TECRL: variants seen among roughly 807,000 people sequenced by gnomAD.
TECRL encodes trans-2,3-enoyl-CoA reductase-like.
Under a neutral mutation model 52.8 loss-of-function variants are expected in TECRL, and 63 were observed. That is an observed-to-expected ratio of 1.19 (90% CI 0.97 to 1.47). The LOEUF (loss-of-function observed/expected upper bound fraction) is 1.47. TECRL is among the 40% of genes most tolerant of loss of function. TECRL has a pLI of 0.00. For synonymous variants in TECRL, 164 were observed against 141.9 expected, an observed-to-expected ratio of 1.16 and a Z score of -1.10; for missense variants, 482 against 429.6, an observed-to-expected ratio of 1.12 and a Z score of -1.08.
In TECRL at chr4:64,282,959, C is replaced by G. The variant is rs80039398; in HGVS notation, c.833-1400G>C. Among the ~76,000 whole-genome samples the G allele has an allele frequency of 6.4e-3, 968 of 152,012 alleles. 8 individuals carry two copies. The highest frequency in any genetic ancestry group is 0.022 in the African/African-American group (917 of 41,510). ...TTTTTTACATTAAAATGCTGCCCCA[C>G]CAGATTCTTCTTTAGGCATATAAGG... On this transcript the variant is annotated intron_variant, in intron 9 of 11. Transcript: ENST00000381210.
intron 2 of TECRL, among the ~76,000 whole-genome samples, chr4:64,373,996 C>T (rs1272342843): frequency 4.5e-5 from 2 of 44,678 alleles, no homozygotes; most frequent in South Asian, 1.2e-3. Context: ...TATATATCTA[C>T]TATACTATAG....
At chr4:64,346,356 C>T (rs770078528) in intron 2 of TECRL, among the ~76,000 whole-genome samples, 20 of 152,344 alleles carry the variant, frequency 1.3e-4, no homozygotes, top group Admixed American at 2.6e-4. Context: ...TTCCCCTCTG[C>T]ACTATTCTAG....
At chr4:64,382,168 G>A (rs1722840036) in intron 1 of TECRL, among the ~76,000 whole-genome samples, 1 of 142,362 alleles carries the variant, frequency 7.0e-6, no homozygotes, top group Admixed American at 7.2e-5. Context: ...TTAGTAGGTT[G>A]TGTACGTCCA....
At chr4:64,298,552 A>G (rs376007650) in intron 8 of TECRL, among the ~76,000 whole-genome samples, 1 of 151,206 alleles carries the variant, frequency 6.6e-6, no homozygotes, top group Non-Finnish European at 1.5e-5. Context: ...GACTTATTAA[A>G]AGTTTTATTT....
At chr4:64,354,849 A>G (rs1720651612) in intron 2 of TECRL, among the ~76,000 whole-genome samples, 1 of 152,246 alleles carries the variant, frequency 6.6e-6, no homozygotes, top group African/African-American at 2.4e-5. Flanking sequence ...TTAGAATGAT[A>G]GATGATCAAC....
chr4:64,288,984 G>A (rs1036025885), intron 9 of TECRL, among the ~76,000 whole-genome samples: 1 of 152,124 alleles, frequency 6.6e-6, no homozygotes, highest in Non-Finnish European at 1.5e-5. Flanking sequence ...TCAAGCATCT[G>A]GACAACGTTT....
At chr4:64,308,945 T>C (rs1724506167) in intron 6 of TECRL, among the ~76,000 whole-genome samples, 1 of 152,230 alleles carries the variant, frequency 6.6e-6, no homozygotes, top group African/African-American at 2.4e-5. Flanking sequence ...GATACACTAA[T>C]ATTTTTCTAA....
intron 8 of TECRL, among the ~76,000 whole-genome samples, chr4:64,292,926 T>A (rs1723471112): frequency 6.6e-6 from 1 of 152,126 alleles, no homozygotes; most frequent in African/African-American, 2.4e-5. Flanking sequence ...TTTAGGATGA[T>A]GTTTGATAAA....
At chr4:64,316,407 G>T (rs1490015029) in intron 4 of TECRL, among the ~76,000 whole-genome samples, 1 of 152,028 alleles carries the variant, frequency 6.6e-6, no homozygotes, top group Non-Finnish European at 1.5e-5. Flanking sequence ...GGAGGGTTAT[G>T]AATAATATGT....
At chr4:64,356,658 G>A (rs929732900) in intron 2 of TECRL, among the ~76,000 whole-genome samples, 7 of 152,058 alleles carry the variant, frequency 4.6e-5, no homozygotes, top group East Asian at 1.9e-4. Flanking sequence ...CTCTCCTACC[G>A]CATTCCTCTT....
intron 2 of TECRL, among the ~76,000 whole-genome samples, chr4:64,344,730 G>A (rs1719829645): frequency 6.6e-6 from 1 of 152,106 alleles, no homozygotes; most frequent in Admixed American, 6.5e-5. Flanking sequence ...AAGAGGAATT[G>A]GTAAGAGAAA....
At chr4:64,387,736 AG>A (rs1212139587) in intron 1 of TECRL, among the ~76,000 whole-genome samples, 4 of 151,944 alleles carry the variant, frequency 2.6e-5, no homozygotes, top group African/African-American at 9.7e-5. Flanking sequence ...ATTTTGTAAA[AG>A]GGTTGTTTGG....
Position 64,281,053 on chromosome 4 carries a change from G to C in TECRL, c.952C>G (p.Gln318Glu), listed in dbSNP as rs1349113979. The C allele has an allele frequency of 6.2e-7, 1 of 1,601,734 alleles. No homozygotes were observed. The highest frequency in any genetic ancestry group is 1.7e-5 in the Admixed American group (1 of 59,460). The change falls in exon 11 of 12, where the codon CAA becomes GAA. Residue 318 changes from glutamine (Q) to glutamate (E), a missense_variant. Gln to Glu is a conservative substitution (Grantham distance 29). Coordinates refer to ENST00000381210, the MANE Select transcript of TECRL (RefSeq NM_001010874.5). ...GSWISFTVMT[Q>E]TLPVGIFTLL... is the part of the protein sequence containing the mutation. ...ATCTAGGTCTTACCTGGCAGTGTTT[G>C]TGTCATGACTGTGAAACTAATCCAT...
intron 2 of TECRL, among the ~76,000 whole-genome samples, chr4:64,366,896 T>C (rs1601079): frequency 0.9 from 136,649 of 152,054 alleles, 62,064 homozygotes; most frequent in East Asian, 1. Context: ...TGTATATGCC[T>C]GAAGGAATAT....
At chr4:64,392,241 A>G (rs962148001) in intron 1 of TECRL, among the ~76,000 whole-genome samples, 1 of 151,902 alleles carries the variant, frequency 6.6e-6, no homozygotes, top group African/African-American at 2.4e-5. Flanking sequence ...CATCAGCACA[A>G]AACATGTTAC....
chr4:64,322,370 T>C (rs1203735521), intron 4 of TECRL, among the ~76,000 whole-genome samples: 1 of 149,960 alleles, frequency 6.7e-6, no homozygotes, highest in Non-Finnish European at 1.5e-5. Context: ...TGGCTTTCTG[T>C]GCAGTGAGCA....
intron 2 of TECRL, among the ~76,000 whole-genome samples, chr4:64,350,706 G>A (rs1034045057): frequency 3.3e-5 from 5 of 151,812 alleles, no homozygotes; most frequent in Admixed American, 3.3e-4. Context: ...ATTTGCCAGC[G>A]GACTGCCTTT....
intron 1 of TECRL, among the ~76,000 whole-genome samples, chr4:64,379,292 C>A (rs555332040): frequency 1.3e-5 from 2 of 148,550 alleles, no homozygotes; most frequent in South Asian, 4.2e-4. Flanking sequence ...ACACACTTGA[C>A]CCTTGAACAA....
chr4:64,340,653 GAACAGCCTGGGCACCATA>G (rs942969326), intron 2 of TECRL, among the ~76,000 whole-genome samples: 11 of 152,232 alleles, frequency 7.2e-5, no homozygotes, highest in African/African-American at 2.7e-4. Flanking sequence ...CCCTTGGCAT[GAACAGCCTGGGCACCATA>G]AACAGCAGTA....
Sources: gnomAD v4.1 joint callset for allele counts (sites outside exome capture counted in the v4.1 genomes callset) on GRCh38, gnomAD v4.1.1 for gene constraint, MANE v1.5 for transcripts, NCBI Gene and HGNC (gene_info 2026-07-23, HGNC 2026-07-21) for gene names.